MEFV: variants seen among roughly 807,000 people sequenced by gnomAD.
MEFV encodes the protein pyrin.
In MEFV, 60 loss-of-function variants were observed where a neutral mutation model predicts 62.5. The ratio of observed to expected loss-of-function variants is 0.96; its 90% CI spans 0.78 to 1.19. MEFV has a LOEUF of 1.19. Ranked by LOEUF, MEFV falls within the 50% of genes most tolerant of loss-of-function variation. The pLI is 0.00. For synonymous variants in MEFV, 500 were observed against 415.2 expected, an observed-to-expected ratio of 1.20 and a Z score of -2.48; for missense variants, 1,169 against 1,004.5, an observed-to-expected ratio of 1.16 and a Z score of -2.21.
rs1000657059 is a variant in MEFV, at chr16:3,254,711, C to G, written c.357G>C (p.Lys119Asn). ...SLGENKPRSL[K>N]TPDHPEGNEG... The stretch of plus-strand genomic sequence containing the variant: ...CGTTCCCCTCGGGGTGGTCTGGAGT[C>G]TTCAGGCTCCTGGGCTTGTTCTCCC... Residue 119 changes from lysine to asparagine, a missense_variant, in exon 2 of 10, where the codon AAG (lysine) becomes AAC (asparagine). By Grantham distance (94) the Lys-to-Asn change is moderately conservative. Transcript: ENST00000219596. 6.2e-7 allele frequency: 1 copy of G among 1,612,874 alleles called. No individual in the cohort carries two copies. Among genetic ancestry groups the G allele is most frequent in the Non-Finnish European group, 8.5e-7 (1 of 1,180,012 alleles).
At position 3,249,425 on chromosome 16, in the gene MEFV, G is replaced by A; in HGVS notation, c.1260+6C>T. 1 of 1,611,562 alleles carries A rather than the reference G, an allele frequency of 6.2e-7. No homozygotes were observed. Among genetic ancestry groups the A allele is most frequent in the Non-Finnish European group, 8.5e-7 (1 of 1,178,714 alleles). On this transcript the variant is annotated splice_donor_region_variant and intron_variant, in intron 3 of 9. Coordinates refer to ENST00000219596, the MANE Select transcript of MEFV (RefSeq NM_000243.3). ...AGAGAAGAGCCCACAGGCAGGGAGT[G>A]CCTACCTTGTGTTCCAGGGCGACCT... is the stretch of plus-strand genomic sequence containing the variant.
In MEFV at chr16:3,254,371, G is replaced by A. The variant is rs2141676970; in HGVS notation, c.697C>T (p.Leu233=). ...CTAGGTCGCATCTTTCCCGAGGGCAGGTACACTTCGAAGGGCCTGCACTCC... is the reference window on the plus strand; with the variant it reads ...CTAGGTCGCATCTTTCCCGAGGGCAAGTACACTTCGAAGGGCCTGCACTCC... The part of the protein sequence containing the change: ...QKECRPFEVY[L]PSGKMRPRSL... Residue 233 remains leucine, a synonymous_variant, in exon 2 of 10, where the codon CTG becomes TTG. Coordinates refer to ENST00000219596, the MANE Select transcript of MEFV (RefSeq NM_000243.3). The A allele has an allele frequency of 6.2e-7, 1 of 1,614,206 alleles. No homozygotes were observed. Among genetic ancestry groups the A allele is most frequent in the Non-Finnish European group, 8.5e-7 (1 of 1,180,028 alleles).
intron 2 of MEFV, among the ~76,000 whole-genome samples, chr16:3,252,247 C>G (rs1400925540): frequency 6.6e-6 from 1 of 150,740 alleles, no homozygotes; most frequent in African/African-American, 2.4e-5. Flanking sequence ...CCTCCCAGGT[C>G]TCAGGGGTCC....
At chr16:3,244,020 T>C in intron 8 of MEFV, 128 bp from the exon 9 acceptor site, 5 of 1,555,228 alleles carry the variant, frequency 3.2e-6, no homozygotes, top group Non-Finnish European at 4.4e-6. Flanking sequence ...CTATGTTGGG[T>C]ATAATCCCGT....
intron 2 of MEFV, among the ~76,000 whole-genome samples, chr16:3,250,453 T>TA (rs556703387): frequency 4.0e-5 from 6 of 150,622 alleles, no homozygotes; most frequent in Non-Finnish European, 8.9e-5. Context: ...TACAAAAAAT[T>TA]AAAAAATTAG....
At chr16:3,243,835 C>T (rs761002320) in intron 9 of MEFV, 25 bp downstream of exon 9, 1 of 1,613,084 alleles carries the variant, frequency 6.2e-7, no homozygotes, top group South Asian at 1.1e-5. Flanking sequence ...AGGCCAGGGC[C>T]ACTTGCCTTG....
rs571832030 is a variant in MEFV, at chr16:3,247,076, G to A, written c.1527C>T (p.Leu509=). 1.2e-5 allele frequency: 20 copies of A among 1,614,168 alleles called. No homozygotes were observed. Among genetic ancestry groups the A allele is most frequent in the South Asian group, 2.2e-5 (2 of 91,074 alleles). The part of the protein sequence containing the change: ...DTRVSQDIAL[L]DALIGELEAK... ...CCTCCAGTTCCCCAATCAGCGCATC[G>A]AGCAGGGCGATGTCCTGGGATACGC... The change falls in exon 5 of 10, where the codon CTC becomes CTT. Residue 509 remains leucine, a synonymous_variant. Coordinates refer to ENST00000219596, the MANE Select transcript of MEFV (RefSeq NM_000243.3).
In MEFV at chr16:3,244,605, G is replaced by C; in HGVS notation, c.1611-17C>G. 1 of 1,601,066 alleles carries C rather than the reference G, an allele frequency of 6.2e-7. No individual in the cohort carries two copies. The highest frequency in any genetic ancestry group is 8.6e-7 in the Non-Finnish European group (1 of 1,168,862). On this transcript the variant is annotated splice_polypyrimidine_tract_variant and intron_variant, in intron 6 of 9. Transcript: ENST00000219596. ...GTCTTAGCCCTAGAGACAAAAGACT[G>C]TTGACCAGAGAAGGCCGGAGCGAGG...
Position 3,254,695 on chromosome 16 carries a change from C to T in MEFV, c.373G>A (p.Glu125Lys), listed in dbSNP as rs1404215402. Residue 125 changes from glutamate to lysine, a missense_variant, in exon 2 of 10, where the codon GAG becomes AAG. Transcript: ENST00000219596. ...CGAGGGCCGTTCCCCTCGTTCCCCT[C>T]GGGGTGGTCTGGAGTCTTCAGGCTC... ...PRSLKTPDHP[E>K]GNEGNGPRPY... 4 of 1,612,558 alleles carry T rather than the reference C, an allele frequency of 2.5e-6. No individual in the cohort carries two copies. Among genetic ancestry groups the T allele is most frequent in the East Asian group, 2.2e-5 (1 of 44,892 alleles).
chr16:3,254,629 G>T lies in MEFV; in HGVS notation c.439C>A (p.Pro147Thr), dbSNP rs876660991. 1.2e-6 allele frequency: 2 copies of T among 1,605,364 alleles called. No individual in the cohort carries two copies. Among genetic ancestry groups the T allele is most frequent in the South Asian group, 1.1e-5 (1 of 90,876 alleles). Reference sequence around the variant, plus strand: ...CTCGACAGCCCCCTCCCGGCCTCGGGCTGGCTGCACCGCAGGCTGGCAGCT... The same window carrying T: ...CTCGACAGCCCCCTCCCGGCCTCGGTCTGGCTGCACCGCAGGCTGGCAGCT... ...GGAASLRCSQ[P>T]EAGRGLSRKP... The change falls in exon 2 of 10, where the codon CCC (proline) becomes ACC (threonine). Residue 147 changes from proline (P) to threonine (T), a missense_variant. Physicochemically the swap from Pro to Thr is conservative, Grantham distance 38. Coordinates refer to ENST00000219596, the MANE Select transcript of MEFV (RefSeq NM_000243.3).
At position 3,254,588 on chromosome 16, in the gene MEFV, T is replaced by G; in HGVS notation, c.480A>C (p.Lys160Asn). 6.3e-7 allele frequency: 1 copy of G among 1,593,400 alleles called. No individual in the cohort carries two copies. Among genetic ancestry groups the G allele is most frequent in the Non-Finnish European group, 8.5e-7 (1 of 1,173,278 alleles). Residue 160 changes from lysine (K) to asparagine (N), a missense_variant, in exon 2 of 10, where the codon AAA (lysine) becomes AAC (asparagine). Coordinates refer to ENST00000219596, the MANE Select transcript of MEFV (RefSeq NM_000243.3). ...GGCCCTCCGAGGCCTTCTCTCTGCG[T>G]TTGCTCAGGGGCTTCCTCGACAGCC... ...GRGLSRKPLS[K>N]RREKASEGLD...
intron 6 of MEFV, among the ~76,000 whole-genome samples, chr16:3,245,534 T>C (rs1958928968): frequency 6.6e-6 from 1 of 151,822 alleles, no homozygotes; most frequent in African/African-American, 2.4e-5. Context: ...CTAGGGAGGC[T>C]GAGGTGGGAG....
rs144900416 is a variant in MEFV, at chr16:3,243,797, G to A, written c.1792+63C>T. ...AGGGACAGGGTAGTTCTTCTGGAAC[G>A]TGGTAGGGGAGAGCACAGGGATCCA... On this transcript the variant is annotated intron_variant, in intron 9 of 9. Transcript: ENST00000219596. 2.9e-4 allele frequency: 465 copies of A among 1,607,946 alleles called. 5 individuals carry two copies. In the South Asian group the frequency reaches 3.3e-3, roughly 12 times the overall value.
At chr16:3,247,277 G>C (rs750330939) in intron 4 of MEFV, 31 bp from the exon 5 acceptor site, 47 of 1,601,932 alleles carry the variant, frequency 2.9e-5, no homozygotes, top group African/African-American at 8.0e-5. Flanking sequence ...AGGTATGGGG[G>C]TCTGTGCTGT....
intron 1 of MEFV, among the ~76,000 whole-genome samples, chr16:3,255,791 C>G (rs1271606602): frequency 6.6e-6 from 1 of 152,018 alleles, no homozygotes; most frequent in Non-Finnish European, 1.5e-5. Context: ...TCAGCAAAAC[C>G]CAGATTATAC....
rs1221588966 is a variant in MEFV, at chr16:3,254,455, T to TGC, written c.611_612dup (p.Arg205AlafsTer58). The TGC allele has an allele frequency of 6.2e-7, 1 of 1,607,372 alleles. No individual in the cohort carries two copies. Among genetic ancestry groups the TGC allele is most frequent in the Non-Finnish European group, 8.5e-7 (1 of 1,177,078 alleles). On this transcript the variant is annotated frameshift_variant, in exon 2 of 10. Coordinates refer to ENST00000219596, the MANE Select transcript of MEFV (RefSeq NM_000243.3). LOFTEE classifies it high-confidence loss of function. Reference sequence around the variant, plus strand: ...AGCCTCCCCGCGGAGCTGGCGTTTCTGCGCAGCCGGACCTCGGCCTGGCCC... The same window carrying TGC: ...AGCCTCCCCGCGGAGCTGGCGTTTCTGCGCGCAGCCGGACCTCGGCCTGGCCC...
intron 2 of MEFV, 96 bp downstream of exon 2, chr16:3,254,062 C>T (rs2141676507): frequency 7.2e-7 from 1 of 1,394,806 alleles, no homozygotes; most frequent in East Asian, 2.4e-5. Flanking sequence ...CCCGCCCTGG[C>T]CTCCCAAAGC....
rs1429940932 is a variant in MEFV, at chr16:3,246,528, T to G, written c.1607A>C (p.His536Pro). ...ACACCACAGGACCTCGCTGTACCTG[T>G]GCAAGATGTCTCCAATGTCCTAGGA... The part of the protein sequence containing the change: ...ELLQDIGDIL[H>P]RAKTVPVPEK... Residue 536 changes from histidine to proline, a missense_variant, in exon 6 of 10, where the codon CAC (histidine) becomes CCC (proline). Transcript: ENST00000219596. 1 of 1,614,116 alleles carries G rather than the reference T, an allele frequency of 6.2e-7. No individual in the cohort carries two copies. The highest frequency in any genetic ancestry group is 8.5e-7 in the Non-Finnish European group (1 of 1,180,018).
rs761077000 is a variant in MEFV, at chr16:3,243,075, G to T, written c.*66C>A. 1.9e-5 allele frequency: 29 copies of T among 1,555,708 alleles called. No individual in the cohort carries two copies. The highest frequency in any genetic ancestry group is 2.6e-5 in the Non-Finnish European group (29 of 1,129,604). On this transcript the variant is annotated 3_prime_UTR_variant, in exon 10 of 10. Coordinates refer to ENST00000219596, the MANE Select transcript of MEFV (RefSeq NM_000243.3). ...GCAGCTAGCACCTAGTCGGCATTCC[G>T]TGACTATTGAGTGTGAATGCAAGAT...
Sources: gnomAD v4.1 joint callset for allele counts (sites outside exome capture counted in the v4.1 genomes callset) on GRCh38, gnomAD v4.1.1 for gene constraint, MANE v1.5 for transcripts, NCBI Gene and HGNC (gene_info 2026-07-23, HGNC 2026-07-21) for gene names.